Variants in CNTN5 observed in about 807,000 individuals in gnomAD.
The protein encoded by CNTN5 is contactin 5.
In CNTN5, 77 loss-of-function variants were observed where a neutral mutation model predicts 129.1. That is an observed-to-expected ratio of 0.60 (90% confidence interval 0.50 to 0.72). The LOEUF (loss-of-function observed/expected upper bound fraction) is 0.72. CNTN5 is among the 30% of genes least tolerant of loss of function. The pLI is 0.00. For synonymous variants in CNTN5, 509 were observed against 465.6 expected (o/e 1.09, Z -1.20); for missense variants, 1,478 against 1,328.8 (o/e 1.11, Z -1.75).
chr11:99,417,235 C>T (rs1382011397), intron 2 of CNTN5, among the ~76,000 whole-genome samples: 1 of 152,198 alleles, frequency 6.6e-6, no homozygotes, highest in African/African-American at 2.4e-5. Context: ...ATTAGGTAGT[C>T]TTGGTCCAAT....
Position 100,224,945 on chromosome 11 carries a change from G to A in CNTN5, c.2005+133G>A, listed in dbSNP as rs994859855. 1.7e-4 allele frequency: 154 copies of A among 897,544 alleles called. 1 individual carries two copies. The highest frequency in any genetic ancestry group is 6.7e-5 in the African/African-American group (4 of 59,886). 55.6% of individuals were successfully genotyped at this position (897,544 alleles called of 1,614,324 possible). The stretch of plus-strand genomic sequence containing the variant: ...CAATTTTACAATATATGTTATTTTC[G>A]CTTAACCTTTTGCCTTTGAAAAAAT... On this transcript the variant is annotated intron_variant, in intron 16 of 24. Coordinates refer to ENST00000524871, the MANE Select transcript of CNTN5 (RefSeq NM_014361.4).
intron 3 of CNTN5, among the ~76,000 whole-genome samples, chr11:99,777,513 AC>A (rs921230082): frequency 1.3e-5 from 2 of 151,850 alleles, no homozygotes; most frequent in African/African-American, 4.8e-5. Flanking sequence ...CTTCCACTGA[AC>A]TTTTCCACTA....
chr11:99,227,985 T>C (rs550129697), intron 1 of CNTN5, among the ~76,000 whole-genome samples: 1 of 152,288 alleles, frequency 6.6e-6, no homozygotes, highest in South Asian at 2.1e-4. Flanking sequence ...ATTTTGGTAA[T>C]GTAACATTAA....
rs1306038654 is a variant in CNTN5 at position 100,358,463 on chromosome 11, A to G, written c.*2243A>G. On this transcript the variant is annotated 3_prime_UTR_variant, in exon 25 of 25. Coordinates refer to ENST00000524871, the MANE Select transcript of CNTN5 (RefSeq NM_014361.4). ...TGTATTTTGCATCATAAACCTATTTAAAAAACAGGTTTTCAATGTTTATGT... is the reference window on the plus strand; with the variant it reads ...TGTATTTTGCATCATAAACCTATTTGAAAAACAGGTTTTCAATGTTTATGT... 6.6e-6 allele frequency: 1 copy of G among 151,890 alleles called. No individual in the cohort carries two copies. The highest frequency in any genetic ancestry group is 1.5e-5 in the Non-Finnish European group (1 of 67,836). 9.4% of individuals were successfully genotyped at this position (151,890 alleles called of 1,614,324 possible).
intron 3 of CNTN5, among the ~76,000 whole-genome samples, chr11:99,792,150 T>A (rs903240829): frequency 1.3e-5 from 2 of 152,110 alleles, no homozygotes; most frequent in African/African-American, 4.8e-5. Flanking sequence ...ATAGGAATGG[T>A]GAAAATGGTC....
intron 9 of CNTN5, among the ~76,000 whole-genome samples, chr11:100,040,594 T>C (rs955689021): frequency 6.6e-6 from 1 of 152,234 alleles, no homozygotes; most frequent in Non-Finnish European, 1.5e-5. Flanking sequence ...CAGGCAGGCC[T>C]CCTTGAGCTG....
intron 1 of CNTN5, among the ~76,000 whole-genome samples, chr11:99,279,919 A>G (rs570937586): frequency 2.6e-5 from 4 of 151,618 alleles, no homozygotes; most frequent in Admixed American, 6.6e-5. Context: ...TGTCTGCGTC[A>G]TGGGGAAAGA....
At chr11:99,779,084 A>G (rs1145379) in intron 3 of CNTN5, among the ~76,000 whole-genome samples, 89,729 of 151,588 alleles carry the variant, frequency 0.59, 27,106 homozygotes, top group East Asian at 0.71. Context: ...ATTTCTTGAA[A>G]CATTTCCTTA....
At chr11:99,342,232 G>A (rs913498712) in intron 2 of CNTN5, among the ~76,000 whole-genome samples, 1 of 151,924 alleles carries the variant, frequency 6.6e-6, no homozygotes, top group Non-Finnish European at 1.5e-5. Context: ...ACAATCTAGT[G>A]TGTGTAATTT....
intron 2 of CNTN5, among the ~76,000 whole-genome samples, chr11:99,476,765 A>G (rs1208016251): frequency 6.6e-6 from 1 of 152,148 alleles, no homozygotes; most frequent in Non-Finnish European, 1.5e-5. Context: ...TCTCTGACAT[A>G]TTAAGGATTT....
intron 1 of CNTN5, among the ~76,000 whole-genome samples, chr11:99,109,720 A>G (rs1331109002): frequency 1.3e-5 from 2 of 152,142 alleles, no homozygotes; most frequent in Non-Finnish European, 2.9e-5. Context: ...CCCTAGGCAC[A>G]ATGGCTTCCA....
chr11:99,842,042 C>T (rs755228208), intron 4 of CNTN5, among the ~76,000 whole-genome samples: 15 of 151,714 alleles, frequency 9.9e-5, no homozygotes, highest in South Asian at 2.1e-4. Flanking sequence ...ATGCACCCCA[C>T]GCACCACCAC....
intron 1 of CNTN5, among the ~76,000 whole-genome samples, chr11:99,316,162 G>A (rs183202647): frequency 6.6e-6 from 1 of 151,994 alleles, no homozygotes; most frequent in African/African-American, 2.4e-5. Flanking sequence ...AAGGCCAAGG[G>A]CATCATCCTG....
At chr11:100,247,586 C>T (rs1949869875) in intron 16 of CNTN5, among the ~76,000 whole-genome samples, 1 of 152,134 alleles carries the variant, frequency 6.6e-6, no homozygotes, top group African/African-American at 2.4e-5. Context: ...TGAAGTTGAA[C>T]TCTGCCAGCC....
In CNTN5 at chr11:99,242,946, G is replaced by C. The variant is rs116091076; in HGVS notation, c.-209-82400G>C. Among the ~76,000 whole-genome samples, 1,388 of 152,186 alleles carry C rather than the reference G, an allele frequency of 9.1e-3. 26 individuals carry two copies. Among genetic ancestry groups the C allele is most frequent in the African/African-American group, 0.031 (1,304 of 41,548 alleles). On this transcript the variant is annotated intron_variant, in intron 1 of 24. Coordinates refer to ENST00000524871, the MANE Select transcript of CNTN5 (RefSeq NM_014361.4). Reference sequence around the variant, plus strand: ...TGGTGGACAGTGCTGTGATGAACCTGAGAGTACATGACTTTATGGCAGAAT... The same window carrying C: ...TGGTGGACAGTGCTGTGATGAACCTCAGAGTACATGACTTTATGGCAGAAT...
At chr11:99,157,008 C>A (rs1860368869) in intron 1 of CNTN5, among the ~76,000 whole-genome samples, 1 of 151,944 alleles carries the variant, frequency 6.6e-6, no homozygotes, top group South Asian at 2.1e-4. Flanking sequence ...CTTTTATTTT[C>A]TCATTTCTAA....
At chr11:100,143,526 G>A (rs925329432) in intron 13 of CNTN5, among the ~76,000 whole-genome samples, 3 of 152,086 alleles carry the variant, frequency 2.0e-5, no homozygotes, top group South Asian at 4.1e-4. Context: ...GACTCCACCT[G>A]TGCAGGTCTG....
At chr11:99,575,925 G>T (rs1236443479) in intron 3 of CNTN5, among the ~76,000 whole-genome samples, 2 of 152,106 alleles carry the variant, frequency 1.3e-5, no homozygotes, top group Admixed American at 1.3e-4. Context: ...AACTTCCAAA[G>T]AACCAATAGG....
intron 2 of CNTN5, among the ~76,000 whole-genome samples, chr11:99,539,330 T>C (rs1948013239): frequency 6.6e-6 from 1 of 152,098 alleles, no homozygotes; most frequent in East Asian, 1.9e-4. Context: ...ATCTTTAAAC[T>C]ATTAAACTGA....
Sources: allele counts gnomAD v4.1 joint callset (sites outside exome capture counted in the v4.1 genomes callset), GRCh38; gene constraint gnomAD v4.1.1; transcripts MANE v1.5; gene names NCBI Gene and HGNC (gene_info 2026-07-23, HGNC 2026-07-21).